The following SEMA6D variants were observed in gnomAD, a reference collection of about 807,000 sequenced individuals.
SEMA6D encodes the protein semaphorin-6D.
A neutral mutation model predicts 106.6 loss-of-function variants in SEMA6D; 35 were observed. The observed-to-expected ratio is 0.33, with a 90% confidence interval of 0.25 to 0.44. SEMA6D has a LOEUF of 0.44. Ranked by LOEUF, SEMA6D falls within the 20% of genes least tolerant of loss-of-function variation. The pLI, the probability that SEMA6D is intolerant of heterozygous loss-of-function variation, is 1.00. For missense variants in SEMA6D, 1,185 were observed against 1,345.9 expected (o/e 0.88, Z 1.87); for synonymous variants, 499 against 487.7 (o/e 1.02, Z -0.31).
At chr15:47,234,461 A>G (rs1410589818) in intron 1 of SEMA6D, among the ~76,000 whole-genome samples, 1 of 151,844 alleles carries the variant, frequency 6.6e-6, no homozygotes, top group Non-Finnish European at 1.5e-5. Flanking sequence ...GGTACATTGT[A>G]CTCAATGTGT....
intron 4 of SEMA6D, among the ~76,000 whole-genome samples, chr15:47,613,894 G>A (rs529563335): frequency 1.2e-4 from 18 of 152,090 alleles, no homozygotes; most frequent in Admixed American, 2.6e-4. Context: ...TGATCCGCCC[G>A]CCTCGGCCTC....
intron 3 of SEMA6D, among the ~76,000 whole-genome samples, chr15:47,479,189 A>C (rs948296154): frequency 5.3e-5 from 8 of 151,964 alleles, no homozygotes; most frequent in African/African-American, 1.9e-4. Flanking sequence ...TACATATATA[A>C]TTTTTTTATT....
intron 1 of SEMA6D, among the ~76,000 whole-genome samples, chr15:47,750,047 A>G (rs1400475713): frequency 6.6e-6 from 1 of 152,182 alleles, no homozygotes; most frequent in African/African-American, 2.4e-5. Context: ...TAGTCATTAA[A>G]GTTAGGCTAG....
upstream of SEMA6D, among the ~76,000 whole-genome samples, chr15:47,714,623 TGTAAAGCATTGA>T (rs1477887694): frequency 2.6e-5 from 4 of 152,258 alleles, no homozygotes; most frequent in East Asian, 7.7e-4. Context: ...TCACTAACCA[TGTAAAGCATTGA>T]GCCCTTTACA....
chr15:47,526,089 G>A (rs758691410), intron 3 of SEMA6D, among the ~76,000 whole-genome samples: 2 of 152,100 alleles, frequency 1.3e-5, no homozygotes, highest in Non-Finnish European at 2.9e-5. Context: ...TCTTCACCAA[G>A]GTAAGCCTTT....
At chr15:47,283,401 T>G (rs2035219291) in intron 1 of SEMA6D, among the ~76,000 whole-genome samples, 1 of 152,206 alleles carries the variant, frequency 6.6e-6, no homozygotes, top group Non-Finnish European at 1.5e-5. Flanking sequence ...ACATACTGAT[T>G]AATTGGTTGA....
At chr15:47,674,132 G>T (rs968436455) in intron 4 of SEMA6D, among the ~76,000 whole-genome samples, 2 of 152,112 alleles carry the variant, frequency 1.3e-5, no homozygotes, top group African/African-American at 4.8e-5. Flanking sequence ...CAGATCAAGT[G>T]CCCCAGACCC....
chr15:47,705,317 T>A (rs1274097122), intron 4 of SEMA6D, among the ~76,000 whole-genome samples: 1 of 152,204 alleles, frequency 6.6e-6, no homozygotes, highest in African/African-American at 2.4e-5. Context: ...AACTTTAATT[T>A]AGGGTTTTAC....
At chr15:47,682,113 C>G (rs1020571725) in intron 4 of SEMA6D, among the ~76,000 whole-genome samples, 31 of 151,792 alleles carry the variant, frequency 2.0e-4, no homozygotes, top group African/African-American at 7.0e-4. Context: ...GAGATCTTTT[C>G]TCAACGAGTT....
chr15:47,703,191 A>C (rs1002577615), intron 4 of SEMA6D, among the ~76,000 whole-genome samples: 4 of 152,220 alleles, frequency 2.6e-5, no homozygotes, highest in African/African-American at 9.6e-5. Flanking sequence ...GCAGGTGTAC[A>C]TGTTGTTAAT....
intron 1 of SEMA6D, chr15:47,718,978 A>AG (rs1279392511): frequency 6.6e-6 from 1 of 152,214 alleles, no homozygotes; most frequent in East Asian, 1.9e-4. Context: ...GAGGGCTTGA[A>AG]GCTTCTTCTG....
At chr15:47,422,294 A>C (rs1468115144) in intron 2 of SEMA6D, among the ~76,000 whole-genome samples, 1 of 151,254 alleles carries the variant, frequency 6.6e-6, no homozygotes, top group African/African-American at 2.4e-5. Flanking sequence ...ATTAAAAACC[A>C]AACCTAGTAA....
chr15:47,680,543 G>T (rs1300711022), intron 4 of SEMA6D, among the ~76,000 whole-genome samples: 1 of 152,168 alleles, frequency 6.6e-6, no homozygotes, highest in Non-Finnish European at 1.5e-5. Flanking sequence ...CTCAAAAAAT[G>T]AGGTTGATGA....
chr15:47,325,182 T>A (rs1326168222), intron 1 of SEMA6D, among the ~76,000 whole-genome samples: 2 of 152,068 alleles, frequency 1.3e-5, no homozygotes, highest in African/African-American at 4.8e-5. Flanking sequence ...TTTTTGTTTT[T>A]TGTTTTTTAA....
chr15:47,634,482 G>A (rs976076239), intron 4 of SEMA6D, among the ~76,000 whole-genome samples: 3 of 152,162 alleles, frequency 2.0e-5, no homozygotes, highest in African/African-American at 7.2e-5. Flanking sequence ...CACCATGACA[G>A]TGGAAAAGAA....
intron 4 of SEMA6D, among the ~76,000 whole-genome samples, chr15:47,707,577 T>A (rs1308079841): frequency 6.6e-6 from 1 of 152,036 alleles, no homozygotes; most frequent in Admixed American, 6.6e-5. Context: ...GAGGACAGAG[T>A]CTAGGAATGT....
chr15:47,499,431 T>C (rs1021052047), intron 3 of SEMA6D, among the ~76,000 whole-genome samples: 10 of 152,286 alleles, frequency 6.6e-5, no homozygotes, highest in Middle Eastern at 3.4e-3. Context: ...ATGTTATTTG[T>C]ATCAAAAATT....
rs188797143 is a variant in SEMA6D at position 47,692,366 on chromosome 15, G to A, written c.-54-67379G>A. ...GTGAACATATCAGAATATTAAATGT[G>A]CACCCACTTACTTTCTTTGCTTTCC... On this transcript the variant is annotated intron_variant, in intron 4 of 19. Coordinates refer to the SEMA6D transcript ENST00000558014. 2.6e-5 allele frequency among the ~76,000 whole-genome samples: 4 copies of A among 152,118 alleles called. No individual in the cohort carries two copies. In the East Asian group the frequency reaches 7.8e-4, roughly 29 times the overall value.
intron 1 of SEMA6D, among the ~76,000 whole-genome samples, chr15:47,356,611 A>G (rs1496922): frequency 0.64 from 96,957 of 151,762 alleles, 32,104 homozygotes; most frequent in Non-Finnish European, 0.73. Context: ...GTCATAGGAT[A>G]TGAGGGCTGG....
Sources: allele counts gnomAD v4.1 joint callset (sites outside exome capture counted in the v4.1 genomes callset), GRCh38; gene constraint gnomAD v4.1.1; transcripts MANE v1.5; gene names NCBI Gene and HGNC (gene_info 2026-07-23, HGNC 2026-07-21).